Variants in THSD4 observed in about 807,000 individuals in gnomAD.
The protein encoded by THSD4 is thrombospondin type-1 domain-containing protein 4.
THSD4 carries 69 observed loss-of-function variants against 119.0 expected under a neutral mutation model. The ratio of observed to expected loss-of-function variants is 0.58; its 90% CI spans 0.48 to 0.71. The LOEUF is 0.71. Ranked by LOEUF, THSD4 falls within the 30% of genes least tolerant of loss-of-function variation. THSD4 has a pLI of 0.00. For synonymous variants in THSD4, 524 were observed against 540.4 expected, an observed-to-expected ratio of 0.97 and a Z score of 0.42; for missense variants, 1,393 against 1,391.1, an observed-to-expected ratio of 1.00 and a Z score of -0.02.
intron 1 of THSD4, among the ~76,000 whole-genome samples, chr15:71,139,855 C>T (rs1324517544): frequency 6.6e-6 from 1 of 152,200 alleles, no homozygotes; most frequent in Non-Finnish European, 1.5e-5. Context: ...CACCTTGGAA[C>T]CTTGCTTCAT....
intron 7 of THSD4, among the ~76,000 whole-genome samples, chr15:71,591,555 G>A (rs2049806127): frequency 6.6e-6 from 1 of 152,178 alleles, no homozygotes; most frequent in South Asian, 2.1e-4. Flanking sequence ...TGCTCCATGT[G>A]TGGCAGATGA....
intron 6 of THSD4, among the ~76,000 whole-genome samples, chr15:71,306,845 A>T (rs2045037477): frequency 6.6e-6 from 1 of 152,228 alleles, no homozygotes; most frequent in African/African-American, 2.4e-5. Context: ...TGATATGTGA[A>T]ACATGTATTA....
chr15:71,303,013 C>G (rs1246672752), intron 6 of THSD4, among the ~76,000 whole-genome samples: 1 of 152,118 alleles, frequency 6.6e-6, no homozygotes, highest in African/African-American at 2.4e-5. Context: ...GCCTGCCCAC[C>G]CGATACGAGG....
rs1388981409 is a variant in THSD4 at position 71,728,901 on chromosome 15, A to G, written c.1533+177A>G. ...CGTTCATCTTTGCCTTTACTTCTGA[A>G]TGGGCCCAGCTCACAGCAACCTCCA... On this transcript the variant is annotated intron_variant, in intron 9 of 17. Transcript: ENST00000261862. 1.8e-5 allele frequency: 14 copies of G among 772,776 alleles called. No individual in the cohort carries two copies. The South Asian group carries it at 1.9e-4, about 11-fold the overall frequency. 47.9% of individuals were successfully genotyped at this position (772,776 alleles called of 1,614,324 possible). A position where few individuals can be genotyped will look rare whatever the true frequency, so the allele number is the denominator to read the frequency against.
At chr15:71,470,276 AGTTT>A (rs1441044219) in intron 7 of THSD4, among the ~76,000 whole-genome samples, 1 of 152,108 alleles carries the variant, frequency 6.6e-6, no homozygotes, top group African/African-American at 2.4e-5. Context: ...AAAACCTGAT[AGTTT>A]GTTGGAGTTC....
chr15:71,263,331 G>GTATATATATATATATATATATA (rs60448462), intron 6 of THSD4, among the ~76,000 whole-genome samples: 1,996 of 138,402 alleles, frequency 0.014, 47 homozygotes, highest in African/African-American at 0.022. Context: ...GTATTCCATG[G>GTATATATATATATATATATATA]TATATATATA....
chr15:71,577,593 CTT>C (rs1472363931), intron 7 of THSD4, among the ~76,000 whole-genome samples: 5 of 152,256 alleles, frequency 3.3e-5, no homozygotes, highest in East Asian at 1.9e-4. Flanking sequence ...AATTATGTCT[CTT>C]TGGTTTACAA....
intron 7 of THSD4, among the ~76,000 whole-genome samples, chr15:71,589,736 C>T (rs1465725509): frequency 2.2e-5 from 3 of 139,334 alleles, no homozygotes. Flanking sequence ...CATGTGTGCA[C>T]AGAGACGAGT....
intron 8 of THSD4, among the ~76,000 whole-genome samples, chr15:71,661,187 G>A (rs7165098): frequency 0.26 from 39,600 of 151,928 alleles, 5,943 homozygotes; most frequent in East Asian, 0.69. Flanking sequence ...ATCTGCCTGG[G>A]GCAGCAGACC....
chr15:71,483,922 C>T (rs146107459), intron 7 of THSD4, among the ~76,000 whole-genome samples: 1,533 of 152,220 alleles, frequency 0.01, 26 homozygotes, highest in African/African-American at 0.035. Context: ...GTAAAGGACA[C>T]GATCTCGTTC....
At chr15:71,153,191 G>C (rs1183382426) in intron 2 of THSD4, among the ~76,000 whole-genome samples, 1 of 152,148 alleles carries the variant, frequency 6.6e-6, no homozygotes, top group Non-Finnish European at 1.5e-5. Flanking sequence ...GCTTGGCTTG[G>C]GGGAGAGTTC....
intron 2 of THSD4, among the ~76,000 whole-genome samples, chr15:71,146,728 C>G (rs1002212582): frequency 6.6e-6 from 1 of 152,016 alleles, no homozygotes; most frequent in African/African-American, 2.4e-5. Context: ...GTGGGAAGCC[C>G]GGGAGGAGCC....
At chr15:71,441,090 C>T (rs1394309872) in intron 7 of THSD4, among the ~76,000 whole-genome samples, 1 of 152,244 alleles carries the variant, frequency 6.6e-6, no homozygotes, top group African/African-American at 2.4e-5. Flanking sequence ...GATACTGAGT[C>T]CACATCATAA....
At chr15:71,601,042 C>T (rs191527896) in intron 7 of THSD4, among the ~76,000 whole-genome samples, 181 of 152,146 alleles carry the variant, frequency 1.2e-3, no homozygotes, top group African/African-American at 4.0e-3. Flanking sequence ...CCACTGTACC[C>T]AACCTATCAT....
intron 7 of THSD4, among the ~76,000 whole-genome samples, chr15:71,534,633 A>G (rs2048664378): frequency 6.6e-6 from 1 of 152,232 alleles, no homozygotes; most frequent in Admixed American, 6.5e-5. Flanking sequence ...ATGTTTGCTC[A>G]AAATAAAATT....
chr15:71,276,621 G>A (rs778930493), intron 6 of THSD4, among the ~76,000 whole-genome samples: 3 of 152,140 alleles, frequency 2.0e-5, no homozygotes, highest in Non-Finnish European at 4.4e-5. Flanking sequence ...CCTAGGTGCC[G>A]ATTAATCCTG....
At chr15:71,134,360 A>G (rs924298885) in intron 1 of THSD4, among the ~76,000 whole-genome samples, 2 of 152,222 alleles carry the variant, frequency 1.3e-5, no homozygotes, top group African/African-American at 2.4e-5. Context: ...CAGAGAGCTC[A>G]GGAGGGTGGG....
At chr15:71,169,718 T>A (rs961210087) in intron 3 of THSD4, among the ~76,000 whole-genome samples, 25 of 152,220 alleles carry the variant, frequency 1.6e-4, no homozygotes, top group Non-Finnish European at 1.3e-4. Context: ...CCTTGGACTT[T>A]AGACAACAAA....
chr15:71,649,293 G>C (rs1168842464), intron 7 of THSD4, among the ~76,000 whole-genome samples: 2 of 136,600 alleles, frequency 1.5e-5, no homozygotes, highest in Non-Finnish European at 3.2e-5. Context: ...GTTTTTTTGA[G>C]ACAGAGTTTC....
Sources: allele counts gnomAD v4.1 joint callset (sites outside exome capture counted in the v4.1 genomes callset), GRCh38; gene constraint gnomAD v4.1.1; transcripts MANE v1.5; gene names NCBI Gene and HGNC (gene_info 2026-07-23, HGNC 2026-07-21).